Variants in GLRA3 observed in about 807,000 individuals in gnomAD.
GLRA3 encodes the protein glycine receptor subunit alpha-3.
Under a neutral mutation model 60.4 loss-of-function variants are expected in GLRA3, and 44 were observed. That is an observed-to-expected ratio of 0.73 (90% CI 0.57 to 0.94). The LOEUF (loss-of-function observed/expected upper bound fraction) is 0.94. GLRA3 is among the 40% of genes least tolerant of loss of function. The pLI is 0.00. For synonymous variants in GLRA3, 223 were observed against 192.9 expected, an observed-to-expected ratio of 1.16 and a Z score of -1.29; for missense variants, 508 against 564.6, an observed-to-expected ratio of 0.90 and a Z score of 1.02.
intron 7 of GLRA3, among the ~76,000 whole-genome samples, chr4:174,671,832 G>A (rs1330066636): frequency 6.6e-6 from 1 of 151,966 alleles, no homozygotes; most frequent in African/African-American, 2.4e-5. Context: ...GTATTTTTTA[G>A]TAGAGACGGG....
intron 1 of GLRA3, among the ~76,000 whole-genome samples, chr4:174,822,363 G>T (rs1740773278): frequency 6.6e-6 from 1 of 151,964 alleles, no homozygotes; most frequent in African/African-American, 2.4e-5. Flanking sequence ...TTTATGAACA[G>T]GAAGGTCATC....
chr4:174,719,969 G>C (rs1736072895), intron 4 of GLRA3, among the ~76,000 whole-genome samples: 1 of 124,280 alleles, frequency 8.0e-6, no homozygotes, highest in Admixed American at 8.0e-5. Context: ...TCTCATACAA[G>C]TAAACTTTAG....
Position 174,642,503 on chromosome 4 carries a change from A to C in GLRA3, c.*1283T>G. ...AGTCAGAGTCTGGTTCTGTTTACCA[A>C]GAACTCTATCATACATTTGCACCCA... On this transcript the variant is annotated 3_prime_UTR_variant, in exon 10 of 10. Coordinates refer to ENST00000274093, the MANE Select transcript of GLRA3 (RefSeq NM_006529.4). 1 of 975,986 alleles carries C rather than the reference A, an allele frequency of 1.0e-6. No homozygotes were observed. The allele number at this position is 975,986 out of a possible 1,614,324, so 60.5% of individuals were successfully genotyped here.
At chr4:174,658,551 A>C (rs1733300694) in intron 8 of GLRA3, among the ~76,000 whole-genome samples, 1 of 152,192 alleles carries the variant, frequency 6.6e-6, no homozygotes, top group Non-Finnish European at 1.5e-5. Flanking sequence ...ACAGGGTTTC[A>C]AAAGAAATGT....
At chr4:174,749,403 C>G (rs1316189360) in intron 3 of GLRA3, among the ~76,000 whole-genome samples, 1 of 152,120 alleles carries the variant, frequency 6.6e-6, no homozygotes, top group Non-Finnish European at 1.5e-5. Context: ...GGAATAGGCA[C>G]TTTGTACTGT....
intron 1 of GLRA3, among the ~76,000 whole-genome samples, chr4:174,791,757 T>C (rs1739355266): frequency 1.3e-5 from 2 of 152,246 alleles, no homozygotes; most frequent in African/African-American, 4.8e-5. Flanking sequence ...TTTCGTTTCT[T>C]TGAGAAACTT....
At chr4:174,805,020 C>G (rs1433778658) in intron 1 of GLRA3, among the ~76,000 whole-genome samples, 2 of 152,138 alleles carry the variant, frequency 1.3e-5, no homozygotes, top group African/African-American at 4.8e-5. Context: ...TTCCAGATAG[C>G]CTTTTCTATT....
chr4:174,733,726 T>C (rs1186558682), intron 3 of GLRA3, among the ~76,000 whole-genome samples: 2 of 152,234 alleles, frequency 1.3e-5, no homozygotes, highest in African/African-American at 4.8e-5. Flanking sequence ...TAAACTTTCA[T>C]GCTCCTACCT....
At chr4:174,661,522 T>C (rs150840202) in intron 7 of GLRA3, among the ~76,000 whole-genome samples, 1,597 of 152,346 alleles carry the variant, frequency 0.01, 16 homozygotes, top group Middle Eastern at 0.02. Context: ...GTGCTTTTTG[T>C]GTGCAGATTG....
chr4:174,810,688 T>C (rs1740228347), intron 1 of GLRA3, among the ~76,000 whole-genome samples: 1 of 152,120 alleles, frequency 6.6e-6, no homozygotes, highest in Admixed American at 6.6e-5. Context: ...GACTTTGAAA[T>C]CCATTTTAAT....
At chr4:174,756,381 T>C (rs1003497590) in intron 3 of GLRA3, among the ~76,000 whole-genome samples, 1 of 151,990 alleles carries the variant, frequency 6.6e-6, no homozygotes, top group South Asian at 2.1e-4. Flanking sequence ...AATCTAGCAA[T>C]ATATAAAAAG....
At chr4:174,756,090 G>C (rs1465690011) in intron 3 of GLRA3, among the ~76,000 whole-genome samples, 1 of 152,080 alleles carries the variant, frequency 6.6e-6, no homozygotes, top group Non-Finnish European at 1.5e-5. Context: ...TTATATCTAA[G>C]GAATGGAACT....
intron 1 of GLRA3, among the ~76,000 whole-genome samples, chr4:174,822,495 CAAT>C (rs1483253926): frequency 1.3e-5 from 2 of 152,098 alleles, no homozygotes; most frequent in Non-Finnish European, 2.9e-5. Flanking sequence ...TAATTAAAAA[CAAT>C]AAATATTTTC....
At chr4:174,806,779 C>T (rs1272361882) in intron 1 of GLRA3, among the ~76,000 whole-genome samples, 1 of 151,858 alleles carries the variant, frequency 6.6e-6, no homozygotes, top group Non-Finnish European at 1.5e-5. Flanking sequence ...CTTGTGGATA[C>T]AAAGGGATGA....
chr4:174,779,964 G>A (rs7654413), intron 2 of GLRA3, among the ~76,000 whole-genome samples: 30,304 of 138,774 alleles, frequency 0.22, 3,337 homozygotes, highest in Non-Finnish European at 0.26. Flanking sequence ...TACAGAGAAT[G>A]CCACAAAGAT....
At chr4:174,688,579 A>AGAGTGTGTGT (rs1265229048) in intron 5 of GLRA3, among the ~76,000 whole-genome samples, 10 of 133,874 alleles carry the variant, frequency 7.5e-5, no homozygotes, top group African/African-American at 2.9e-4. Context: ...GGAAGGAGGA[A>AGAGTGTGTGT]GTGTGTGTGT....
chr4:174,695,306 A>G (rs557750209), intron 5 of GLRA3, among the ~76,000 whole-genome samples: 1 of 152,246 alleles, frequency 6.6e-6, no homozygotes, highest in East Asian at 1.9e-4. Context: ...CTTCAGGCCA[A>G]TATCCTTGAA....
chr4:174,816,870 A>T (rs903443993), intron 1 of GLRA3, among the ~76,000 whole-genome samples: 1 of 152,082 alleles, frequency 6.6e-6, no homozygotes, highest in Admixed American at 6.6e-5. Flanking sequence ...GCAGGTATAT[A>T]TATTTATGGT....
rs192190340 is a variant in GLRA3 at position 174,792,958 on chromosome 4, G to A, written c.72-4015C>T. 1.0e-3 allele frequency among the ~76,000 whole-genome samples: 153 copies of A among 152,244 alleles called. 1 individual carries two copies. The highest frequency in any genetic ancestry group is 1.9e-4 in the Non-Finnish European group (13 of 68,012). On this transcript the variant is annotated intron_variant, in intron 1 of 9. Coordinates refer to ENST00000274093, the MANE Select transcript of GLRA3 (RefSeq NM_006529.4). ...GTTGTCACCACGGAGCTGAAGAGAGGGGGTGGGAAGTTGAGCAAATTATAA... is the reference window on the plus strand; with the variant it reads ...GTTGTCACCACGGAGCTGAAGAGAGAGGGTGGGAAGTTGAGCAAATTATAA...
Sources: allele counts gnomAD v4.1 joint callset (sites outside exome capture counted in the v4.1 genomes callset), GRCh38; gene constraint gnomAD v4.1.1; transcripts MANE v1.5; gene names NCBI Gene and HGNC (gene_info 2026-07-23, HGNC 2026-07-21).